The following STAT4 variants were observed in gnomAD, a reference collection of about 807,000 sequenced individuals.
The protein encoded by STAT4 is signal transducer and activator of transcription 4.
A neutral mutation model predicts 110.5 loss-of-function variants in STAT4; 42 were observed. The ratio of observed to expected loss-of-function variants is 0.38; its 90% confidence interval spans 0.30 to 0.49. The LOEUF (loss-of-function observed/expected upper bound fraction) is 0.49. STAT4 is among the 20% of genes least tolerant of loss of function. STAT4 has a pLI of 0.95. For synonymous variants in STAT4, 284 were observed against 302.2 expected (o/e 0.94, Z 0.63); for missense variants, 632 against 887.9 (o/e 0.71, Z 3.66).
chr2:191,136,303 G>A (rs1699180327), intron 3 of STAT4, among the ~76,000 whole-genome samples: 1 of 152,184 alleles, frequency 6.6e-6, no homozygotes, highest in Non-Finnish European at 1.5e-5. Context: ...AGAAAAAGCT[G>A]AAAGTCTTTT....
chr2:191,122,621 G>A (rs893305233), intron 3 of STAT4, among the ~76,000 whole-genome samples: 2 of 152,090 alleles, frequency 1.3e-5, no homozygotes, highest in Non-Finnish European at 2.9e-5. Flanking sequence ...ACCCACAGAA[G>A]AATGAATAAA....
rs183284924 is a variant in STAT4 at position 191,043,186 on chromosome 2, G to A, written c.1252-2038C>T. On this transcript the variant is annotated intron_variant, in intron 14 of 23. Transcript: ENST00000392320. This position sits in a 1 kb window ranked among gnomAD's most constrained non-coding sequence, Gnocchi z 4.8. ...TAACAAGAATAGAATATTATTGTAAGAAACATTCTGAAAATAATAAAGAAC... is the reference window on the plus strand; with the variant it reads ...TAACAAGAATAGAATATTATTGTAAAAAACATTCTGAAAATAATAAAGAAC... Among the ~76,000 whole-genome samples the A allele has an allele frequency of 6.6e-6, 1 of 152,004 alleles. No individual in the cohort carries two copies. Among genetic ancestry groups the A allele is most frequent in the Admixed American group, 6.6e-5 (1 of 15,262 alleles).
At position 191,062,786 on chromosome 2, in the gene STAT4, A is replaced by C. The variant is rs1406319643; in HGVS notation, c.917T>G (p.Phe306Cys). 1.9e-6 allele frequency: 3 copies of C among 1,613,726 alleles called. No homozygotes were observed. Among genetic ancestry groups the C allele is most frequent in the Non-Finnish European group, 2.5e-6 (3 of 1,179,866 alleles). ...QRTHMLERVT[F>C]LIYNLFKNSF... ...CTTCTTGAAAAGGTTGTAGATCAAG[A>C]AGGTGACTCTTTCTAGCATGTGAGT... The change falls in exon 9 of 24, where the codon TTC (phenylalanine) becomes TGC (cysteine). Residue 306 changes from phenylalanine to cysteine, a missense_variant. This residue lies in a region of STAT4 where 488 missense variants were observed against 632.8 expected (regional missense o/e 0.77). Coordinates refer to ENST00000392320, the MANE Select transcript of STAT4 (RefSeq NM_003151.4). This position sits in a 1 kb window ranked among gnomAD's most constrained non-coding sequence, Gnocchi z 4.9.
Position 191,117,912 on chromosome 2 carries a change from C to G in STAT4, c.273+28701G>C, listed in dbSNP as rs1698614348. ...CCCAAGTGATTTTTGTAATGAAACA[C>G]AAACTGAGAAGGATGTATCTATCTA... On this transcript the variant is annotated intron_variant, in intron 3 of 23. Coordinates refer to ENST00000392320, the MANE Select transcript of STAT4 (RefSeq NM_003151.4). The surrounding 1 kb of genome is among the most constrained non-coding windows in gnomAD (Gnocchi z 5.2). Among the ~76,000 whole-genome samples, 2 of 152,036 alleles carry G rather than the reference C, an allele frequency of 1.3e-5. No homozygotes were observed. Among genetic ancestry groups the G allele is most frequent in the African/African-American group, 4.8e-5 (2 of 41,384 alleles).
intron 3 of STAT4, among the ~76,000 whole-genome samples, chr2:191,137,464 T>C (rs1699209173): frequency 6.6e-6 from 1 of 152,054 alleles, no homozygotes; most frequent in African/African-American, 2.4e-5. Context: ...GCAATCCCTA[T>C]TAAAATACCA....
rs1251145282 is a variant in STAT4 at position 191,143,423 on chromosome 2, G to A, written c.273+3190C>T. On this transcript the variant is annotated intron_variant, in intron 3 of 23. Transcript: ENST00000392320. The surrounding 1 kb of genome is among the most constrained non-coding windows in gnomAD (Gnocchi z 5.6). Reference sequence around the variant, plus strand: ...CAGGGCCAGGATTCAAGTAACCCTTGCTCCTGGGTGTGAGTCTGCCTCCCC... The same window carrying A: ...CAGGGCCAGGATTCAAGTAACCCTTACTCCTGGGTGTGAGTCTGCCTCCCC... Among the ~76,000 whole-genome samples the A allele has an allele frequency of 6.6e-6, 1 of 152,122 alleles. No homozygotes were observed. Among genetic ancestry groups the A allele is most frequent in the Non-Finnish European group, 1.5e-5 (1 of 68,024 alleles).
chr2:191,039,337 C>T lies in STAT4; in HGVS notation c.1336-40G>A. 1 of 1,563,682 alleles carries T rather than the reference C, an allele frequency of 6.4e-7. No individual in the cohort carries two copies. The highest frequency in any genetic ancestry group is 1.1e-5 in the South Asian group (1 of 90,062). ...AAAAAGCATAGTTATTACAGGTAGT[C>T]CCACCTTACATTGATCTTATGCTTG... On this transcript the variant is annotated intron_variant, in intron 15 of 23. Transcript: ENST00000392320. This position sits in a 1 kb window ranked among gnomAD's most constrained non-coding sequence, Gnocchi z 4.7.
chr2:191,049,387 A>G (rs181237802), intron 14 of STAT4, among the ~76,000 whole-genome samples: 74 of 152,204 alleles, frequency 4.9e-4, no homozygotes, highest in South Asian at 1.2e-3. Context: ...TGTGTTAGCC[A>G]GGATGGTCTC....
At chr2:191,108,740 G>T (rs1239274767) in intron 3 of STAT4, among the ~76,000 whole-genome samples, 1 of 152,220 alleles carries the variant, frequency 6.6e-6, no homozygotes, top group East Asian at 1.9e-4. Context: ...TGATTCTGTG[G>T]TTGGGCCTGA....
At chr2:191,106,243 C>T (rs1292087119) in intron 3 of STAT4, among the ~76,000 whole-genome samples, 1 of 151,920 alleles carries the variant, frequency 6.6e-6, no homozygotes. Flanking sequence ...CTCATTTGTG[C>T]TTTTGTGGCT....
At chr2:191,052,634 T>G (rs1696561742) in intron 14 of STAT4, among the ~76,000 whole-genome samples, 1 of 152,152 alleles carries the variant, frequency 6.6e-6, no homozygotes, top group Non-Finnish European at 1.5e-5. Flanking sequence ...TTGAGCTATT[T>G]GGATTTATTT....
At chr2:191,095,808 C>A (rs758657463) in intron 3 of STAT4, among the ~76,000 whole-genome samples, 10 of 152,062 alleles carry the variant, frequency 6.6e-5, no homozygotes, top group Non-Finnish European at 1.3e-4. Context: ...AAAAATCCTT[C>A]AAAAAGTCAA....
chr2:191,034,477 A>T, intron 18 of STAT4, 71 bp downstream of exon 18: 1 of 1,097,492 alleles, frequency 9.1e-7, no homozygotes, highest in South Asian at 1.3e-5. Context: ...AACCCCATGT[A>T]GTAATAGACT....
rs1435528376 is a variant in STAT4, at chr2:191,099,152, TA to T, written c.274-22828del. Among the ~76,000 whole-genome samples, 1 of 151,860 alleles carries T rather than the reference TA, an allele frequency of 6.6e-6. No individual in the cohort carries two copies. Among genetic ancestry groups the T allele is most frequent in the East Asian group, 1.9e-4 (1 of 5,188 alleles). On this transcript the variant is annotated intron_variant, in intron 3 of 23. Transcript: ENST00000392320. This position sits in a 1 kb window ranked among gnomAD's most constrained non-coding sequence, Gnocchi z 4.1. Reference sequence around the variant, plus strand: ...AGTTAGGAAAAAAGCAAATTTAAAATAAAGACAGAGATAGTATTTCCCAAAA... The same window carrying T: ...AGTTAGGAAAAAAGCAAATTTAAAATAAGACAGAGATAGTATTTCCCAAAA...
At chr2:191,065,055 G>A (rs1696950757) in intron 7 of STAT4, 97 bp from the exon 8 acceptor site, 3 of 1,331,482 alleles carry the variant, frequency 2.3e-6, no homozygotes, top group Non-Finnish European at 2.0e-6. Context: ...CAAAGGCTTG[G>A]TTAAAATTTT....
At chr2:191,120,094 C>T (rs1259849712) in intron 3 of STAT4, among the ~76,000 whole-genome samples, 2 of 151,820 alleles carry the variant, frequency 1.3e-5, no homozygotes, top group East Asian at 3.9e-4. Context: ...ACTAAAGGTC[C>T]CAGAAGAATA....
At position 191,143,247 on chromosome 2, in the gene STAT4, A is replaced by T. The variant is rs1289460050; in HGVS notation, c.273+3366T>A. Among the ~76,000 whole-genome samples, 4 of 152,222 alleles carry T rather than the reference A, an allele frequency of 2.6e-5. No individual in the cohort carries two copies. The highest frequency in any genetic ancestry group is 9.6e-5 in the African/African-American group (4 of 41,460). Reference sequence around the variant, plus strand: ...ATTTTTAGCAAACCTTTAGCAAAAGACTATGGTTCTTGCTGCAGGTTTTAG... The same window carrying T: ...ATTTTTAGCAAACCTTTAGCAAAAGTCTATGGTTCTTGCTGCAGGTTTTAG... On this transcript the variant is annotated intron_variant, in intron 3 of 23. Transcript: ENST00000392320. The surrounding 1 kb of genome is among the most constrained non-coding windows in gnomAD (Gnocchi z 5.6).
At chr2:191,070,572 A>G (rs1157430017) in intron 5 of STAT4, among the ~76,000 whole-genome samples, 1 of 152,208 alleles carries the variant, frequency 6.6e-6, no homozygotes, top group Non-Finnish European at 1.5e-5. Flanking sequence ...GATTCAGACT[A>G]CTGTACTTCC....
In STAT4 at chr2:191,091,358, G is replaced by T. The variant is rs1460092573; in HGVS notation, c.274-15033C>A. 6.6e-6 allele frequency among the ~76,000 whole-genome samples: 1 copy of T among 151,926 alleles called. No homozygotes were observed. The highest frequency in any genetic ancestry group is 1.5e-5 in the Non-Finnish European group (1 of 67,972). On this transcript the variant is annotated intron_variant, in intron 3 of 23. Coordinates refer to ENST00000392320, the MANE Select transcript of STAT4 (RefSeq NM_003151.4). The surrounding 1 kb of genome is among the most constrained non-coding windows in gnomAD (Gnocchi z 5.4). Reference sequence around the variant, plus strand: ...GAAAAATAATTTAAAAAACAGGAACGAATTTAACAAAGAAGATACAGGTCT... The same window carrying T: ...GAAAAATAATTTAAAAAACAGGAACTAATTTAACAAAGAAGATACAGGTCT...
Sources: allele counts gnomAD v4.1 joint callset (sites outside exome capture counted in the v4.1 genomes callset), GRCh38; gene constraint gnomAD v4.1.1; regional missense constraint gnomAD v4.1.1; non-coding constraint Gnocchi (gnomAD v3.1); transcripts MANE v1.5; gene names NCBI Gene and HGNC (gene_info 2026-07-23, HGNC 2026-07-21).